Variants in PRR11 observed in about 807,000 individuals in gnomAD.
The protein encoded by PRR11 is proline-rich protein 11.
Under a neutral mutation model 45.6 loss-of-function variants are expected in PRR11, and 30 were observed. The ratio of observed to expected loss-of-function variants is 0.66; its 90% CI spans 0.49 to 0.89. The LOEUF is 0.89. Ranked by LOEUF, PRR11 falls within the 40% of genes least tolerant of loss-of-function variation. The pLI is 0.00. For missense variants in PRR11, 373 were observed against 424.8 expected (o/e 0.88, Z 1.07); for synonymous variants, 128 against 153.5 (o/e 0.83, Z 1.23).
intron 4 of PRR11, 24 bp from the exon 5 acceptor site, chr17:59,193,468 G>A (rs1343406077): frequency 1.2e-6 from 2 of 1,612,552 alleles, no homozygotes; most frequent in Non-Finnish European, 1.7e-6. Flanking sequence ...TTATTTATTT[G>A]CCAAATGTGA....
chr17:59,173,020 C>G (rs2046719184), intron 2 of PRR11, among the ~76,000 whole-genome samples: 1 of 152,228 alleles, frequency 6.6e-6, no homozygotes, highest in South Asian at 2.1e-4. Flanking sequence ...TTATGTCTAG[C>G]TAAGGGATTG....
At chr17:59,196,872 T>C (rs2046868394) in intron 7 of PRR11, among the ~76,000 whole-genome samples, 1 of 152,052 alleles carries the variant, frequency 6.6e-6, no homozygotes, top group Non-Finnish European at 1.5e-5. Context: ...TTTTTCTTTT[T>C]TTGAGAAGGA....
chr17:59,197,429 T>G, intron 7 of PRR11, 115 bp from the exon 8 acceptor site: 1 of 1,004,064 alleles, frequency 1.0e-6, no homozygotes, highest in Non-Finnish European at 1.5e-6. Context: ...TTTTTTGTAT[T>G]TTTAATAGAG....
At chr17:59,184,834 C>T (rs2046805550) in intron 2 of PRR11, among the ~76,000 whole-genome samples, 1 of 151,182 alleles carries the variant, frequency 6.6e-6, no homozygotes, top group Non-Finnish European at 1.5e-5. Flanking sequence ...TCTGGCACAC[C>T]ACCATGCCTG....
intron 1 of PRR11, among the ~76,000 whole-genome samples, chr17:59,166,482 T>G (rs2046680647): frequency 6.6e-6 from 1 of 152,176 alleles, no homozygotes; most frequent in South Asian, 2.1e-4. Context: ...GTTTTTTCAT[T>G]TTGTACCACA....
At chr17:59,200,285 C>T (rs1374104031) in intron 9 of PRR11, among the ~76,000 whole-genome samples, 1 of 152,074 alleles carries the variant, frequency 6.6e-6, no homozygotes, top group Non-Finnish European at 1.5e-5. Flanking sequence ...AGAAATCTGA[C>T]TATAGTGGTT....
chr17:59,156,646 CTCTTTCTT>C (rs1196756501), intron 1 of PRR11, among the ~76,000 whole-genome samples: 1 of 151,344 alleles, frequency 6.6e-6, no homozygotes, highest in African/African-American at 2.4e-5. Flanking sequence ...AACTTTTCTT[CTCTTTCTT>C]TCTTTTTTTT....
chr17:59,185,358 C>T (rs559191513), intron 3 of PRR11, 82 bp from the exon 4 acceptor site: 1 of 1,535,208 alleles, frequency 6.5e-7, no homozygotes, highest in Admixed American at 2.1e-5. Context: ...TAAAAACATA[C>T]ATCAAGTCAC....
Position 59,203,286 on chromosome 17 carries a change from G to T in PRR11, c.*1655G>T, listed in dbSNP as rs1305911726. 6.6e-6 allele frequency among the ~76,000 whole-genome samples: 1 copy of T among 152,010 alleles called. No individual in the cohort carries two copies. Among genetic ancestry groups the T allele is most frequent in the Non-Finnish European group, 1.5e-5 (1 of 67,988 alleles). On this transcript the variant is annotated 3_prime_UTR_variant, in exon 10 of 10. Transcript: ENST00000262293. ...GTCACCCAGGCTGGAGTGCAGTGGC[G>T]CAATCTTGGCTCACTGCAACCTCCA...
At chr17:59,158,881 C>T (rs150134412) in intron 1 of PRR11, among the ~76,000 whole-genome samples, 4 of 152,260 alleles carry the variant, frequency 2.6e-5, no homozygotes, top group Middle Eastern at 3.4e-3. Flanking sequence ...AGTGCAGTGG[C>T]GTGATCTTGG....
chr17:59,157,707 C>G (rs1330797701), intron 1 of PRR11, among the ~76,000 whole-genome samples: 1 of 150,352 alleles, frequency 6.7e-6, no homozygotes, highest in South Asian at 2.1e-4. Context: ...GTCCACCCCC[C>G]CAAAAAAAAA....
At chr17:59,161,055 A>C (rs1051369123) in intron 1 of PRR11, among the ~76,000 whole-genome samples, 1 of 152,020 alleles carries the variant, frequency 6.6e-6, no homozygotes, top group African/African-American at 2.4e-5. Context: ...CTATATGTTT[A>C]TGTTTCTAAT....
rs148344168 is a variant in PRR11 at position 59,195,370 on chromosome 17, G to A, written c.784G>A (p.Val262Ile). ...SPKARNPLVTVSDLQHVTLKP... is the reference protein window; with the variant it reads ...SPKARNPLVTISDLQHVTLKP... ...GAAAGCACGGAATCCACTAGTTACC[G>A]TCTCTGACTTGCAGCATGTTACCCT... is the stretch of plus-strand genomic sequence containing the variant. The change falls in exon 7 of 10, where the codon GTC (valine) becomes ATC (isoleucine). Residue 262 changes from valine to isoleucine, a missense_variant. Transcript: ENST00000262293. 3.1e-4 allele frequency: 503 copies of A among 1,613,222 alleles called. 1 individual carries two copies. The African/African-American group carries it at 5.3e-3, about 17-fold the overall frequency.
In PRR11 at chr17:59,195,399, A is replaced by T; in HGVS notation, c.813A>T (p.Lys271Asn). 1.2e-6 allele frequency: 2 copies of T among 1,613,892 alleles called. No homozygotes were observed. Among genetic ancestry groups the T allele is most frequent in the Non-Finnish European group, 1.7e-6 (2 of 1,179,844 alleles). ...TVSDLQHVTL[K>N]PNSKVLSTRV... ...CTGACTTGCAGCATGTTACCCTGAA[A>T]CCTAACTCCAAAGTGTTATCGACTC... The change falls in exon 7 of 10, where the codon AAA becomes AAT. Residue 271 changes from lysine to asparagine, a missense_variant. Transcript: ENST00000262293.
rs529716496 is a variant in PRR11 at position 59,179,846 on chromosome 17, G to A, written c.129-5208G>A. 837 of 1,344,898 alleles carry A rather than the reference G, an allele frequency of 6.2e-4. 1 individual carries two copies. The highest frequency in any genetic ancestry group is 1.5e-3 in the Middle Eastern group (6 of 3,902). The allele number at this position is 1,344,898 out of a possible 1,614,324, so 83.3% of individuals were successfully genotyped here. A position where few individuals can be genotyped will look rare whatever the true frequency, so the allele number is the denominator to read the frequency against. On this transcript the variant is annotated intron_variant, in intron 2 of 9. Coordinates refer to ENST00000262293, the MANE Select transcript of PRR11 (RefSeq NM_018304.4). The stretch of plus-strand genomic sequence containing the variant: ...CTCCCTCTTCCTTTTCCAGCAAAGG[G>A]ACCCACACAGGGGGCTGGGATCTAC...
intron 2 of PRR11, 115 bp downstream of exon 2, chr17:59,169,995 G>A (rs1465627344): frequency 2.2e-6 from 3 of 1,334,312 alleles, no homozygotes; most frequent in South Asian, 1.8e-5. Context: ...ATTCATTCCT[G>A]TAATCCCAGC....
chr17:59,198,382 A>C (rs2046876754), intron 9 of PRR11, among the ~76,000 whole-genome samples: 1 of 151,246 alleles, frequency 6.6e-6, no homozygotes, highest in South Asian at 2.1e-4. Context: ...TCCACTAAAA[A>C]AATACAAAAA....
At chr17:59,200,157 G>T (rs941054332) in intron 9 of PRR11, among the ~76,000 whole-genome samples, 3 of 152,184 alleles carry the variant, frequency 2.0e-5, no homozygotes, top group African/African-American at 7.2e-5. Flanking sequence ...CTCAGGAGGA[G>T]GATGTCTAGT....
intron 9 of PRR11, among the ~76,000 whole-genome samples, chr17:59,198,801 C>T (rs1001281331): frequency 3.3e-5 from 5 of 151,392 alleles, no homozygotes; most frequent in Admixed American, 2.0e-4. Context: ...TGCACCACTG[C>T]ACTCCAGCCT....
Sources: gnomAD v4.1 joint callset for allele counts (sites outside exome capture counted in the v4.1 genomes callset) on GRCh38, gnomAD v4.1.1 for gene constraint, MANE v1.5 for transcripts, NCBI Gene and HGNC (gene_info 2026-07-23, HGNC 2026-07-21) for gene names.